Variants in DCC observed in about 807,000 individuals in gnomAD.
DCC encodes netrin receptor DCC.
In DCC, 58 loss-of-function variants were observed where a neutral mutation model predicts 172.5. That is an observed-to-expected ratio of 0.34 (90% CI 0.27 to 0.42). The LOEUF is 0.42. DCC is among the 10% of genes least tolerant of loss of function. DCC has a pLI of 1.00. For missense variants in DCC, 1,740 were observed against 1,791.0 expected, an observed-to-expected ratio of 0.97 and a Z score of 0.51; for synonymous variants, 709 against 644.5, an observed-to-expected ratio of 1.10 and a Z score of -1.52.
At chr18:52,780,200 C>G (rs1179799632) in intron 2 of DCC, among the ~76,000 whole-genome samples, 1 of 151,770 alleles carries the variant, frequency 6.6e-6, no homozygotes, top group Admixed American at 6.6e-5. Context: ...TCTGTTTTTC[C>G]TTTATATGAG....
At chr18:53,505,799 AGAAGGAATGGT>A (rs1356202722) in intron 27 of DCC, among the ~76,000 whole-genome samples, 3 of 152,254 alleles carry the variant, frequency 2.0e-5, no homozygotes, top group Non-Finnish European at 2.9e-5. Flanking sequence ...CATGAGTGAC[AGAAGGAATGGT>A]GAAGGAAAGG....
intron 2 of DCC, among the ~76,000 whole-genome samples, chr18:52,849,822 TG>T (rs2038948100): frequency 6.6e-6 from 1 of 152,156 alleles, no homozygotes; most frequent in African/African-American, 2.4e-5. Context: ...TTGATTTCAG[TG>T]TTCACATTTA....
intron 5 of DCC, among the ~76,000 whole-genome samples, chr18:52,925,930 C>T (rs1317955857): frequency 1.4e-5 from 2 of 143,282 alleles, no homozygotes; most frequent in African/African-American, 5.2e-5. Context: ...TTCCAAAAGG[C>T]AGGGTTACCC....
rs1410713982 is a variant in DCC at position 52,721,147 on chromosome 18, C to T, written c.92-30907C>T. On this transcript the variant is annotated intron_variant, in intron 1 of 28. Transcript: ENST00000442544. ...AGGCCTTAGCAGAGGGCCTCAGTGC[C>T]CATCTGCTTAGTATTATCCACATGA... Among the ~76,000 whole-genome samples the T allele has an allele frequency of 3.3e-5, 5 of 152,230 alleles. No individual in the cohort carries two copies. In the East Asian group the frequency reaches 9.7e-4, roughly 29 times the overall value.
At chr18:52,455,314 T>TAA (rs1988425778) in intron 1 of DCC, among the ~76,000 whole-genome samples, 1 of 152,222 alleles carries the variant, frequency 6.6e-6, no homozygotes, top group African/African-American at 2.4e-5. Flanking sequence ...CTGCAAGTCT[T>TAA]TTATTTACAT....
chr18:53,099,543 C>T (rs949992932), intron 7 of DCC, among the ~76,000 whole-genome samples: 1 of 152,250 alleles, frequency 6.6e-6, no homozygotes, highest in African/African-American at 2.4e-5. Flanking sequence ...CAAGTAAAAC[C>T]TGAGCCTTAA....
intron 1 of DCC, among the ~76,000 whole-genome samples, chr18:52,396,523 C>T (rs188278668): frequency 6.2e-4 from 95 of 152,074 alleles, no homozygotes; most frequent in African/African-American, 2.2e-3. Flanking sequence ...CTGAAAGTCG[C>T]CCTGTGATTT....
At chr18:52,445,782 A>G (rs990903040) in intron 1 of DCC, among the ~76,000 whole-genome samples, 3 of 152,200 alleles carry the variant, frequency 2.0e-5, no homozygotes, top group Non-Finnish European at 4.4e-5. Flanking sequence ...ATTTTTTAAT[A>G]AGTGGCCCCT....
chr18:52,533,871 G>C (rs1263847179), intron 1 of DCC, among the ~76,000 whole-genome samples: 1 of 152,076 alleles, frequency 6.6e-6, no homozygotes, highest in Non-Finnish European at 1.5e-5. Context: ...CAGTGTATAG[G>C]TGATCCAGTT....
intron 1 of DCC, among the ~76,000 whole-genome samples, chr18:52,374,072 T>G (rs1598872038): frequency 6.6e-6 from 1 of 151,802 alleles, no homozygotes; most frequent in East Asian, 1.9e-4. Flanking sequence ...TTTTGTGTTT[T>G]TAGTAAAGAC....
At chr18:52,999,934 A>T (rs2041538378) in intron 5 of DCC, among the ~76,000 whole-genome samples, 1 of 152,040 alleles carries the variant, frequency 6.6e-6, no homozygotes, top group South Asian at 2.1e-4. Context: ...TTATAAGGGA[A>T]TACATAGCCA....
intron 1 of DCC, among the ~76,000 whole-genome samples, chr18:52,442,994 ACTTT>A (rs1988015314): frequency 6.6e-6 from 1 of 151,254 alleles, no homozygotes; most frequent in South Asian, 2.1e-4. Flanking sequence ...AGATTCCTTA[ACTTT>A]CTTTCTATTT....
intron 7 of DCC, among the ~76,000 whole-genome samples, chr18:53,099,460 A>G (rs1473952875): frequency 6.6e-6 from 1 of 152,146 alleles, no homozygotes; most frequent in Non-Finnish European, 1.5e-5. Flanking sequence ...TAAATGATGC[A>G]AGCACATGGA....
intron 2 of DCC, among the ~76,000 whole-genome samples, chr18:52,773,492 A>G (rs977737605): frequency 2.1e-5 from 3 of 141,502 alleles, no homozygotes; most frequent in Admixed American, 7.5e-5. Flanking sequence ...CCCCCCAAAT[A>G]TATATCTCTA....
At chr18:52,868,027 A>ATGTGTG (rs35361097) in intron 2 of DCC, among the ~76,000 whole-genome samples, 1 of 120,322 alleles carries the variant, frequency 8.3e-6, no homozygotes, top group East Asian at 2.3e-4. Flanking sequence ...TAATATGTGT[A>ATGTGTG]TGTGTGTATA....
intron 1 of DCC, among the ~76,000 whole-genome samples, chr18:52,657,480 G>A (rs1043720397): frequency 1.3e-5 from 2 of 152,142 alleles, no homozygotes; most frequent in African/African-American, 2.4e-5. Flanking sequence ...ATTAATAGTC[G>A]AGATTTTATT....
At chr18:52,941,532 A>T (rs1343969303) in intron 5 of DCC, among the ~76,000 whole-genome samples, 1 of 151,826 alleles carries the variant, frequency 6.6e-6, no homozygotes, top group African/African-American at 2.4e-5. Flanking sequence ...TTGTATGCAT[A>T]TATGTAAAAA....
In DCC at chr18:53,530,268, A is replaced by G. The variant is rs2046511048; in HGVS notation, c.4255-296A>G. The G allele has an allele frequency of 5.7e-6, 4 of 698,216 alleles. No individual in the cohort carries two copies. The Admixed American group carries it at 8.0e-5, about 14-fold the overall frequency. The allele number at this position is 698,216 out of a possible 1,614,324, so 43.3% of individuals were successfully genotyped here. On this transcript the variant is annotated intron_variant, in intron 28 of 28. Coordinates refer to ENST00000442544, the MANE Select transcript of DCC (RefSeq NM_005215.4). The stretch of plus-strand genomic sequence containing the variant: ...ATCAGAGAGGTGCACTCACTTGTCT[A>G]AGACCACACAGCTAATAATTGGGAG...
chr18:52,795,100 A>T lies in DCC; in HGVS notation c.412+42726A>T, dbSNP rs545965446. 3.0e-4 allele frequency among the ~76,000 whole-genome samples: 46 copies of T among 151,960 alleles called. No individual in the cohort carries two copies. The East Asian group carries it at 6.8e-3, about 22-fold the overall frequency. ...GGCCTGTAGGTTTTTGTGTTTTTTT[A>T]AAATCTTTGTCTGGTGTTGGTATCA... On this transcript the variant is annotated intron_variant, in intron 2 of 28. Coordinates refer to ENST00000442544, the MANE Select transcript of DCC (RefSeq NM_005215.4).
Sources: allele counts gnomAD v4.1 joint callset (sites outside exome capture counted in the v4.1 genomes callset), GRCh38; gene constraint gnomAD v4.1.1; transcripts MANE v1.5; gene names NCBI Gene and HGNC (gene_info 2026-07-23, HGNC 2026-07-21).